Variants in ADAMTS19 observed in about 807,000 individuals in gnomAD.
The protein encoded by ADAMTS19 is ADAM metallopeptidase with thrombospondin type 1 motif 19.
ADAMTS19 carries 93 observed loss-of-function variants against 153.3 expected under a neutral mutation model. That is an observed-to-expected ratio of 0.61 (90% CI 0.51 to 0.72). ADAMTS19 has a LOEUF of 0.72. ADAMTS19 is among the 30% of genes least tolerant of loss of function. The pLI, the probability that ADAMTS19 is intolerant of heterozygous loss-of-function variation, is 0.00. For missense variants in ADAMTS19, 1,482 were observed against 1,552.1 expected, an observed-to-expected ratio of 0.95 and a Z score of 0.76; for synonymous variants, 600 against 556.6, an observed-to-expected ratio of 1.08 and a Z score of -1.10.
At chr5:129,657,525 G>T (rs1458995713) in intron 14 of ADAMTS19, among the ~76,000 whole-genome samples, 10 of 152,038 alleles carry the variant, frequency 6.6e-5, no homozygotes, top group Non-Finnish European at 1.0e-4. Flanking sequence ...CTCATCAATG[G>T]GAAGTAAACA....
At chr5:129,733,721 C>T (rs929043141) in intron 21 of ADAMTS19, among the ~76,000 whole-genome samples, 9 of 151,808 alleles carry the variant, frequency 5.9e-5, no homozygotes, top group African/African-American at 2.2e-4. Flanking sequence ...TGTAAATAAA[C>T]ACAACTACTA....
chr5:129,518,210 C>G, intron 3 of ADAMTS19, among the ~76,000 whole-genome samples: 1 of 152,006 alleles, frequency 6.6e-6, no homozygotes, highest in Non-Finnish European at 1.5e-5. Flanking sequence ...AGTCTTTTTA[C>G]TTAGGACAAA....
intron 6 of ADAMTS19, 26 bp downstream of exon 6, chr5:129,528,703 G>A (rs752268403): frequency 6.4e-7 from 1 of 1,565,238 alleles, no homozygotes; most frequent in Non-Finnish European, 8.7e-7. Flanking sequence ...CCAATTAAAT[G>A]GCATTCCTAA....
chr5:129,469,074 G>C (rs1580979304), intron 2 of ADAMTS19, among the ~76,000 whole-genome samples: 1 of 152,052 alleles, frequency 6.6e-6, no homozygotes, highest in Non-Finnish European at 1.5e-5. Context: ...ACCACACCAG[G>C]CCATCTTTTA....
chr5:129,469,247 A>G (rs1322482303), intron 2 of ADAMTS19, among the ~76,000 whole-genome samples: 1 of 152,204 alleles, frequency 6.6e-6, no homozygotes, highest in Non-Finnish European at 1.5e-5. Flanking sequence ...AGAGATAGAC[A>G]ACTAACTTTT....
At chr5:129,470,982 GCAGTGAGGCTACATCAT>G (rs1750044429) in intron 2 of ADAMTS19, among the ~76,000 whole-genome samples, 1 of 151,024 alleles carries the variant, frequency 6.6e-6, no homozygotes, top group Non-Finnish European at 1.5e-5. Context: ...GACCACTTCT[GCAGTGAGGCTACATCAT>G]CAGCCATTTG....
At chr5:129,475,739 A>T (rs1051453370) in intron 2 of ADAMTS19, among the ~76,000 whole-genome samples, 2 of 152,230 alleles carry the variant, frequency 1.3e-5, no homozygotes, top group African/African-American at 4.8e-5. Flanking sequence ...AGACTCAGGC[A>T]TGAGAATTGC....
rs549391352 is a variant in ADAMTS19 at position 129,735,542 on chromosome 5, TC to T, written c.3490+434del. Among the ~76,000 whole-genome samples, 215 of 151,784 alleles carry T rather than the reference TC, an allele frequency of 1.4e-3. 1 individual carries two copies. The highest frequency in any genetic ancestry group is 6.8e-3 in the Middle Eastern group (2 of 294). On this transcript the variant is annotated intron_variant, in intron 22 of 22. Coordinates refer to ENST00000274487, the MANE Select transcript of ADAMTS19 (RefSeq NM_133638.6). ...TTGGAGGGACACAGACTAAAAAATG[TC>T]TTTCAAGAAGAATGGGTGCATGGAT... is the stretch of plus-strand genomic sequence containing the variant.
At chr5:129,584,778 C>T (rs1749699244) in intron 7 of ADAMTS19, among the ~76,000 whole-genome samples, 1 of 152,176 alleles carries the variant, frequency 6.6e-6, no homozygotes. Flanking sequence ...AGGTCGACTT[C>T]AGACTGCTGT....
intron 6 of ADAMTS19, among the ~76,000 whole-genome samples, chr5:129,529,105 A>G (rs1752112553): frequency 6.6e-6 from 1 of 152,128 alleles, no homozygotes; most frequent in African/African-American, 2.4e-5. Flanking sequence ...TAAGTCTCTG[A>G]CTGATTAATT....
chr5:129,635,891 A>T (rs529780464), intron 10 of ADAMTS19, among the ~76,000 whole-genome samples: 81 of 152,160 alleles, frequency 5.3e-4, no homozygotes, highest in African/African-American at 1.9e-3. Context: ...TTAAACGTTC[A>T]ATTTATTTAT....
intron 10 of ADAMTS19, among the ~76,000 whole-genome samples, chr5:129,623,072 T>C (rs1044220218): frequency 2.0e-5 from 3 of 152,190 alleles, no homozygotes; most frequent in African/African-American, 4.8e-5. Flanking sequence ...GGAGGAACTA[T>C]ACATTTTAAT....
chr5:129,669,416 C>T (rs1754199079), intron 16 of ADAMTS19, among the ~76,000 whole-genome samples: 1 of 152,056 alleles, frequency 6.6e-6, no homozygotes, highest in Non-Finnish European at 1.5e-5. Context: ...TTATAATACT[C>T]TCATAATCCT....
Position 129,702,941 on chromosome 5 carries a change from A to AAATATATATATAT in ADAMTS19, c.3160-1297_3160-1296insATATATATATATA. Among the ~76,000 whole-genome samples the AAATATATATATAT allele has an allele frequency of 1.7e-3, 51 of 29,258 alleles. 1 individual carries two copies. Among genetic ancestry groups the AAATATATATATAT allele is most frequent in the East Asian group, 4.0e-3 (3 of 752 alleles). The allele number at this position is 29,258 out of a possible 152,430, so 19.2% of individuals were successfully genotyped here. A position where few individuals can be genotyped will look rare whatever the true frequency, so the allele number is the denominator to read the frequency against. ...TAGTTTGACTTGCCAAAAAAAAAAA[A>AAATATATATATAT]ATATATATATATATATATATATATA... On this transcript the variant is annotated intron_variant, in intron 20 of 22. Coordinates refer to ENST00000274487, the MANE Select transcript of ADAMTS19 (RefSeq NM_133638.6).
chr5:129,706,768 G>A (rs1756176188), intron 21 of ADAMTS19, among the ~76,000 whole-genome samples: 2 of 152,040 alleles, frequency 1.3e-5, no homozygotes, highest in African/African-American at 2.4e-5. Flanking sequence ...TATTACTTTT[G>A]GTTAATGAAA....
chr5:129,678,612 C>T (rs1328664596), intron 16 of ADAMTS19, among the ~76,000 whole-genome samples: 2 of 151,890 alleles, frequency 1.3e-5, no homozygotes, highest in African/African-American at 4.8e-5. Context: ...GAAATAAACA[C>T]TCTCAGTCAC....
At chr5:129,488,805 T>G (rs1483336370) in intron 2 of ADAMTS19, among the ~76,000 whole-genome samples, 1 of 152,084 alleles carries the variant, frequency 6.6e-6, no homozygotes, top group Non-Finnish European at 1.5e-5. Flanking sequence ...TACTTGGAAT[T>G]TCTACTTTCT....
At chr5:129,507,059 T>A (rs1423481300) in intron 2 of ADAMTS19, among the ~76,000 whole-genome samples, 1 of 151,990 alleles carries the variant, frequency 6.6e-6, no homozygotes, top group African/African-American at 2.4e-5. Context: ...TAGTGTGCAA[T>A]TAAATTTTAT....
rs923263517 is a variant in ADAMTS19, at chr5:129,672,642, T to C, written c.2506+7063T>C. Among the ~76,000 whole-genome samples, 3 of 152,340 alleles carry C rather than the reference T, an allele frequency of 2.0e-5. No individual in the cohort carries two copies. In the South Asian group the frequency reaches 6.2e-4, roughly 32 times the overall value. On this transcript the variant is annotated intron_variant, in intron 16 of 22. Coordinates refer to ENST00000274487, the MANE Select transcript of ADAMTS19 (RefSeq NM_133638.6). ...GTGGAAGAAAGAAAATGTATCTATA[T>C]TAACCTTAGTACTAAGTGGAAGTAG... is the stretch of plus-strand genomic sequence containing the variant.
Sources: gnomAD v4.1 joint callset for allele counts (sites outside exome capture counted in the v4.1 genomes callset) on GRCh38, gnomAD v4.1.1 for gene constraint, MANE v1.5 for transcripts, NCBI Gene and HGNC (gene_info 2026-07-23, HGNC 2026-07-21) for gene names.